Variants in CDC42 observed in about 807,000 individuals in gnomAD.
CDC42 encodes the protein cell division cycle 42, also known as cell division control protein 42 homolog.
A neutral mutation model predicts 20.8 loss-of-function variants in CDC42; 1 was observed. The observed-to-expected ratio is 0.05, with a 90% CI of 0.02 to 0.23. The LOEUF (loss-of-function observed/expected upper bound fraction) is 0.23. Ranked by LOEUF, CDC42 falls within the 10% of genes least tolerant of loss-of-function variation. The pLI, the probability that CDC42 is intolerant of heterozygous loss-of-function variation, is 1.00. For missense variants in CDC42, 49 were observed against 227.9 expected (o/e 0.21, Z 5.05); for synonymous variants, 72 against 84.8 (o/e 0.85, Z 0.83).
chr1:22,100,003 T>A lies in CDC42; in HGVS notation c.*8486T>A, dbSNP rs1467284426. Reference sequence around the variant, plus strand: ...GTCTCTAGAGTCTGCTCAGCTGGCCTTTTTTTCTTTCTTCTTCTTCTTCTT... The same window carrying A: ...GTCTCTAGAGTCTGCTCAGCTGGCCATTTTTTCTTTCTTCTTCTTCTTCTT... On this transcript the variant is annotated 3_prime_UTR_variant, in exon 6 of 6. Transcript: ENST00000656825. 6.7e-6 allele frequency among the ~76,000 whole-genome samples: 1 copy of A among 150,036 alleles called. No homozygotes were observed. Among genetic ancestry groups the A allele is most frequent in the South Asian group, 2.1e-4 (1 of 4,758 alleles).
rs1162407405 is a variant in CDC42, at chr1:22,098,975, T to C, written c.*7458T>C. ...GGTTTTGCCATTTTACCCAGGCTGG[T>C]CTCGAACTCCTGAGCTGATCCTCCC... is the stretch of plus-strand genomic sequence containing the variant. On this transcript the variant is annotated 3_prime_UTR_variant, in exon 6 of 6. Transcript: ENST00000656825. Among the ~76,000 whole-genome samples, 4 of 152,264 alleles carry C rather than the reference T, an allele frequency of 2.6e-5. No homozygotes were observed. The highest frequency in any genetic ancestry group is 6.5e-5 in the Admixed American group (1 of 15,294).
intron 1 of CDC42, among the ~76,000 whole-genome samples, chr1:22,053,614 G>A (rs1645262780): frequency 6.6e-6 from 1 of 152,156 alleles, no homozygotes; most frequent in Admixed American, 6.5e-5. Flanking sequence ...TTAAGTCCAA[G>A]ATAAATGTAG....
At chr1:22,069,995 C>G (rs1416552634) in intron 1 of CDC42, among the ~76,000 whole-genome samples, 2 of 152,156 alleles carry the variant, frequency 1.3e-5, no homozygotes, top group African/African-American at 2.4e-5. Flanking sequence ...GCCACGTTGC[C>G]TAGGTTGTTC....
intron 1 of CDC42, among the ~76,000 whole-genome samples, chr1:22,071,190 C>T (rs949408129): frequency 1.7e-4 from 26 of 151,128 alleles, no homozygotes; most frequent in Non-Finnish European, 3.5e-4. Flanking sequence ...ACTACAGGCG[C>T]CTGCCACCAC....
Position 22,100,292 on chromosome 1 carries a change from A to G in CDC42, c.*8775A>G, listed in dbSNP as rs1323924700. On this transcript the variant is annotated 3_prime_UTR_variant, in exon 6 of 6. Transcript: ENST00000656825. ...CTCCTAAACTTCAAGTCATGTTTGT[A>G]TTAGTGATTTCACTTGACCTCAGTA... 6.6e-6 allele frequency among the ~76,000 whole-genome samples: 1 copy of G among 152,182 alleles called. No individual in the cohort carries two copies. The highest frequency in any genetic ancestry group is 1.5e-5 in the Non-Finnish European group (1 of 68,028).
chr1:22,054,973 A>T (rs1645288017), intron 1 of CDC42, among the ~76,000 whole-genome samples: 4 of 74,086 alleles, frequency 5.4e-5, no homozygotes, highest in Non-Finnish European at 7.2e-5. Flanking sequence ...TTTTTTTTTG[A>T]GAAGGAGTCT....
chr1:22,057,568 G>A (rs990535443), intron 1 of CDC42, among the ~76,000 whole-genome samples: 1 of 148,936 alleles, frequency 6.7e-6, no homozygotes, highest in Non-Finnish European at 1.5e-5. Context: ...ATTTTTCGTA[G>A]AGATGGGGTT....
intron 2 of CDC42, 166 bp downstream of exon 2, chr1:22,078,749 GA>G: frequency 1.3e-6 from 2 of 1,496,672 alleles, no homozygotes; most frequent in Admixed American, 2.0e-5. Context: ...TTAAACAGCT[GA>G]AAAATCAGTG....
intron 1 of CDC42, chr1:22,068,520 ACT>A (rs1260368878): frequency 6.5e-6 from 1 of 152,992 alleles, no homozygotes; most frequent in African/African-American, 2.4e-5. Context: ...GTAAAATTCC[ACT>A]GTTTCATCTT....
At chr1:22,090,094 T>TAA in intron 5 of CDC42, 5 of 1,582,022 alleles carry the variant, frequency 3.2e-6, no homozygotes, top group Non-Finnish European at 4.3e-6. Context: ...AAAGATCGTT[T>TAA]AAAAACAAAG....
intron 5 of CDC42, chr1:22,090,274 G>T: frequency 8.4e-7 from 1 of 1,186,920 alleles, no homozygotes; most frequent in Non-Finnish European, 1.0e-6. Context: ...GATGCTCAGA[G>T]CTTTTTGGTT....
chr1:22,056,654 A>C (rs1645307584), intron 1 of CDC42, among the ~76,000 whole-genome samples: 1 of 152,194 alleles, frequency 6.6e-6, no homozygotes, highest in Non-Finnish European at 1.5e-5. Context: ...TGCTATTTTA[A>C]GTCCTGAATG....
In CDC42 at chr1:22,094,293, G is replaced by GTTTTTTTTTTTTTTT. The variant is rs1557910832; in HGVS notation, c.*2776_*2777insTTTTTTTTTTTTTTT. Among the ~76,000 whole-genome samples the GTTTTTTTTTTTTTTT allele has an allele frequency of 7.2e-5, 2 of 27,716 alleles. No homozygotes were observed. Among genetic ancestry groups the GTTTTTTTTTTTTTTT allele is most frequent in the Admixed American group, 5.0e-4 (1 of 2,004 alleles). 18.2% of individuals were successfully genotyped at this position (27,716 alleles called of 152,430 possible). A position where few individuals can be genotyped will look rare whatever the true frequency, so the allele number is the denominator to read the frequency against. On this transcript the variant is annotated 3_prime_UTR_variant, in exon 6 of 6. Transcript: ENST00000656825. ...TGTTTTACTGAACATCCTAGAAATA[G>GTTTTTTTTTTTTTTT]ATTTTTTTTTTTTTTTTTTTTTGAG...
At position 22,096,202 on chromosome 1, in the gene CDC42, G is replaced by A. The variant is rs540941925; in HGVS notation, c.*4685G>A. Among the ~76,000 whole-genome samples the A allele has an allele frequency of 2.0e-5, 3 of 151,838 alleles. No homozygotes were observed. Among genetic ancestry groups the A allele is most frequent in the Admixed American group, 6.6e-5 (1 of 15,254 alleles). Reference sequence around the variant, plus strand: ...TCTCAAACTCCTGACCTCCTGATCCGCCCTCCTCAGCCTCCCAAAGTGCTG... The same window carrying A: ...TCTCAAACTCCTGACCTCCTGATCCACCCTCCTCAGCCTCCCAAAGTGCTG... On this transcript the variant is annotated 3_prime_UTR_variant, in exon 6 of 6. Coordinates refer to ENST00000656825, the MANE Select transcript of CDC42 (RefSeq NM_001791.4).
intron 1 of CDC42, among the ~76,000 whole-genome samples, chr1:22,076,771 GTTAGTATGGGTGCTTC>G (rs1285056001): frequency 6.6e-6 from 1 of 152,028 alleles, no homozygotes; most frequent in African/African-American, 2.4e-5. Flanking sequence ...TGCTGTATTA[GTTAGTATGGGTGCTTC>G]TTAGTGCATA....
chr1:22,088,899 G>T (rs552199943), intron 5 of CDC42, among the ~76,000 whole-genome samples: 7 of 152,194 alleles, frequency 4.6e-5, no homozygotes, highest in African/African-American at 1.7e-4. Flanking sequence ...TTTAACTTTT[G>T]CTGCTTTTAA....
At position 22,093,831 on chromosome 1, in the gene CDC42, A is replaced by G. The variant is rs571271209; in HGVS notation, c.*2314A>G. 1.3e-5 allele frequency among the ~76,000 whole-genome samples: 2 copies of G among 152,344 alleles called. No individual in the cohort carries two copies. Among genetic ancestry groups the G allele is most frequent in the South Asian group, 2.1e-4 (1 of 4,828 alleles). ...GGCGTATAGGTCCTTGACTATTGCT[A>G]TATCTTTGTCCTAAAGCAATGCTTG... On this transcript the variant is annotated 3_prime_UTR_variant, in exon 6 of 6. Transcript: ENST00000656825.
chr1:22,089,392 G>A (rs973297064), intron 5 of CDC42, among the ~76,000 whole-genome samples: 1 of 152,176 alleles, frequency 6.6e-6, no homozygotes, highest in Non-Finnish European at 1.5e-5. Flanking sequence ...CTTATGACTT[G>A]GGTGGTGGTT....
At chr1:22,077,675 T>C (rs540519589) in intron 1 of CDC42, among the ~76,000 whole-genome samples, 1 of 152,312 alleles carries the variant, frequency 6.6e-6, no homozygotes, top group African/African-American at 2.4e-5. Flanking sequence ...ATTCTGACTT[T>C]AGAGATGTTA....
Sources: allele counts gnomAD v4.1 joint callset (sites outside exome capture counted in the v4.1 genomes callset), GRCh38; gene constraint gnomAD v4.1.1; transcripts MANE v1.5; gene names NCBI Gene and HGNC (gene_info 2026-07-23, HGNC 2026-07-21).